KLHL17: variants seen among roughly 807,000 people sequenced by gnomAD.
KLHL17 encodes the protein kelch-like protein 17.
KLHL17 carries 71 observed loss-of-function variants against 64.6 expected under a neutral mutation model. That is an observed-to-expected ratio of 1.10 (90% CI 0.91 to 1.34). KLHL17 has a LOEUF of 1.34. KLHL17 is among the 40% of genes most tolerant of loss of function. The probability of loss-of-function intolerance (pLI) is 0.00; values close to 1 mark genes in which losing one functional copy is unlikely to be tolerated. For synonymous variants in KLHL17, 612 were observed against 405.4 expected (o/e 1.51, Z -6.12); for missense variants, 1,140 against 935.0 (o/e 1.22, Z -2.86).
At chr1:964,556 G>GTCCGAA in intron 11 of KLHL17, 26 bp downstream of exon 11, 1 of 1,456,964 alleles carries the variant, frequency 6.9e-7, no homozygotes, top group East Asian at 2.5e-5. Context: ...GCGGGGAGGG[G>GTCCGAA]GGCGCGGGTC....
chr1:961,239 A>C, intron 1 of KLHL17, 54 bp from the exon 2 acceptor site: 2 of 1,280,810 alleles, frequency 1.6e-6, no homozygotes, highest in Non-Finnish European at 2.0e-6. Context: ...CAGCGGCTCC[A>C]GGGCGGGCGG....
Position 965,384 on chromosome 1 carries a change from T to G in KLHL17, c.*193T>G. 1 of 605,664 alleles carries G rather than the reference T, an allele frequency of 1.7e-6. No individual in the cohort carries two copies. The highest frequency in any genetic ancestry group is 2.9e-6 in the Non-Finnish European group (1 of 348,108). 37.5% of individuals were successfully genotyped at this position (605,664 alleles called of 1,614,324 possible). ...GTGCCACGGCTGCCCGTTTACACCT[T>G]TAGCGTCTGGTCCTCCTGCGTGTCC... On this transcript the variant is annotated 3_prime_UTR_variant, in exon 12 of 12. Coordinates refer to ENST00000338591, the MANE Select transcript of KLHL17 (RefSeq NM_198317.3).
At chr1:962,511 G>C in intron 5 of KLHL17, 40 bp downstream of exon 5, 1 of 1,604,694 alleles carries the variant, frequency 6.2e-7, no homozygotes, top group Non-Finnish European at 8.5e-7. Context: ...GCATCCAGGA[G>C]GGCATGCAGG....
In KLHL17 at chr1:961,650, A is replaced by C; in HGVS notation, c.389A>C (p.Gln130Pro). 1 of 1,612,808 alleles carries C rather than the reference A, an allele frequency of 6.2e-7. No homozygotes were observed. The highest frequency in any genetic ancestry group is 1.1e-5 in the South Asian group (1 of 91,082). Reference protein sequence around the residue: ...MFTNEMSESRQTHVTLHDIDP... With the variant: ...MFTNEMSESRPTHVTLHDIDP... ...GCAGATGAGATGAGCGAGAGCCGCC[A>C]GACCCACGTGACGCTGCACGACATC... Residue 130 changes from glutamine (Q) to proline (P), a missense_variant, in exon 3 of 12, where the codon CAG becomes CCG. Transcript: ENST00000338591.
chr1:964,148 C>T lies in KLHL17; in HGVS notation c.1486C>T (p.His496Tyr), dbSNP rs753559276. 3 of 1,612,728 alleles carry T rather than the reference C, an allele frequency of 1.9e-6. No homozygotes were observed. Among genetic ancestry groups the T allele is most frequent in the Non-Finnish European group, 2.5e-6 (3 of 1,179,928 alleles). Residue 496 changes from histidine (H) to tyrosine (Y), a missense_variant, in exon 10 of 12, where the codon CAC becomes TAC. By Grantham distance (83) the His-to-Tyr change is moderately conservative. Transcript: ENST00000338591. ...YAVGGYDSSS[H>Y]LATVEKYEPQ... ...TGTGGGCGGCTACGACAGCTCCTCA[C>T]ACCTGGCCACTGTGGAGAAGTATGA...
chr1:965,056 C>T lies in KLHL17; in HGVS notation c.1794C>T (p.Asn598=), dbSNP rs147009675. The change falls in exon 12 of 12, where the codon AAC becomes AAT. Residue 598 remains asparagine (N), a synonymous_variant. Coordinates refer to ENST00000338591, the MANE Select transcript of KLHL17 (RefSeq NM_198317.3). ...SSSLNSIEKY[N]PRTNKWVAAS... is the part of the protein sequence containing the mutation. Reference sequence around the variant, plus strand: ...GCCTCAACTCCATCGAGAAGTACAACCCGAGGACCAACAAGTGGGTGGCCG... The same window carrying T: ...GCCTCAACTCCATCGAGAAGTACAATCCGAGGACCAACAAGTGGGTGGCCG... 41 of 1,612,564 alleles carry T rather than the reference C, an allele frequency of 2.5e-5. No individual in the cohort carries two copies. In the African/African-American group the frequency reaches 4.9e-4, roughly 19 times the overall value.
chr1:964,189 T>G lies in KLHL17; in HGVS notation c.1518+9T>G, dbSNP rs373601051. On this transcript the variant is annotated intron_variant, in intron 10 of 11. Coordinates refer to ENST00000338591, the MANE Select transcript of KLHL17 (RefSeq NM_198317.3). ...AGAAGTATGAGCCCCAGGTGCATAGTGCACCCCTCCTGGCCACCCCCTCCC... is the reference window on the plus strand; with the variant it reads ...AGAAGTATGAGCCCCAGGTGCATAGGGCACCCCTCCTGGCCACCCCCTCCC... 22 of 1,612,424 alleles carry G rather than the reference T, an allele frequency of 1.4e-5. No homozygotes were observed. In the African/African-American group the frequency reaches 2.8e-4, roughly 21 times the overall value.
At chr1:963,668 C>T in intron 8 of KLHL17, 164 bp downstream of exon 8, 3 of 913,842 alleles carry the variant, frequency 3.3e-6, no homozygotes, top group East Asian at 2.7e-5. Context: ...CTTGGCTTTG[C>T]TGCCCCAGTG....
chr1:962,725 C>G lies in KLHL17; in HGVS notation c.850C>G (p.Pro284Ala). 1.2e-6 allele frequency: 2 copies of G among 1,606,476 alleles called. No individual in the cohort carries two copies. ...VPRLMKCVRLPLLSRDFLLGH... is the reference protein window; with the variant it reads ...VPRLMKCVRLALLSRDFLLGH... The stretch of plus-strand genomic sequence containing the variant: ...CCAGCTCATGAAGTGTGTGCGGCTG[C>G]CCTTGCTGAGCCGCGACTTCCTGCT... The change falls in exon 6 of 12, where the codon CCC becomes GCC. Residue 284 changes from proline (P) to alanine (A), a missense_variant. Physicochemically the swap from Pro to Ala is conservative, Grantham distance 27. Coordinates refer to ENST00000338591, the MANE Select transcript of KLHL17 (RefSeq NM_198317.3).
chr1:961,954 C>T lies in KLHL17; in HGVS notation c.618C>T (p.Cys206=), dbSNP rs1457704067. ...GGGGCTTTGCCGATGCGCACTCCTGCAGCGACCTGCTCAAGGCCGCCCACA... is the reference window on the plus strand; with the variant it reads ...GGGGCTTTGCCGATGCGCACTCCTGTAGCGACCTGCTCAAGGCCGCCCACA... ...GIRGFADAHS[C]SDLLKAAHRY... is the part of the protein sequence containing the mutation. Residue 206 remains cysteine, a synonymous_variant, in exon 4 of 12, where the codon TGC becomes TGT. Coordinates refer to ENST00000338591, the MANE Select transcript of KLHL17 (RefSeq NM_198317.3). The T allele has an allele frequency of 3.1e-6, 5 of 1,612,824 alleles. No homozygotes were observed. The highest frequency in any genetic ancestry group is 3.4e-6 in the Non-Finnish European group (4 of 1,180,014).
chr1:962,499 C>T (rs79008338), intron 5 of KLHL17, 28 bp downstream of exon 5: 21,036 of 1,609,916 alleles, frequency 0.013, 1,023 homozygotes, highest in Admixed American at 0.11. Flanking sequence ...GGGGCTCCCA[C>T]AGCATCCAGG....
chr1:960,614 C>G lies in KLHL17; in HGVS notation c.-80C>G. 3 of 1,190,926 alleles carry G rather than the reference C, an allele frequency of 2.5e-6. No individual in the cohort carries two copies. Among genetic ancestry groups the G allele is most frequent in the Non-Finnish European group, 3.2e-6 (3 of 948,426 alleles). The allele number at this position is 1,190,926 out of a possible 1,614,324, so 73.8% of individuals were successfully genotyped here. On this transcript the variant is annotated 5_prime_UTR_variant, in exon 1 of 12. Transcript: ENST00000338591. The stretch of plus-strand genomic sequence containing the variant: ...TGAGCGACACAGAGCGGGCCGCCAC[C>G]GCCGAGCAGCCCTCCGGCAGTCTCC...
rs142869836 is a variant in KLHL17 at position 963,475 on chromosome 1, C to T, written c.1326C>T (p.Gly442=). The change falls in exon 8 of 12, where the codon GGC becomes GGT. Residue 442 remains glycine, a synonymous_variant. Coordinates refer to ENST00000338591, the MANE Select transcript of KLHL17 (RefSeq NM_198317.3). ...TGCATGGACTCCTGTACTCGGCCGG[C>T]GGCTATGACGGGGCCTCCTGCCTGA... The part of the protein sequence containing the change: ...AALHGLLYSA[G]GYDGASCLNS... The T allele has an allele frequency of 8.8e-5, 141 of 1,610,006 alleles. No individual in the cohort carries two copies. The African/African-American group carries it at 1.4e-3, about 16-fold the overall frequency.
At chr1:964,063 C>A in intron 9 of KLHL17, 44 bp from the exon 10 acceptor site, 1 of 1,612,208 alleles carries the variant, frequency 6.2e-7, no homozygotes, top group Non-Finnish European at 8.5e-7. Flanking sequence ...CCGTGGAGAC[C>A]CCACTCCCAG....
Position 964,978 on chromosome 1 carries a change from G to A in KLHL17, c.1716G>A (p.Leu572=), listed in dbSNP as rs756979776. Reference sequence around the variant, plus strand: ...TTCCCCCCAGGAGCACGCATGACCTGGTGGCCATGGACGGATGGTTGTACG... The same window carrying A: ...TTCCCCCCAGGAGCACGCATGACCTAGTGGCCATGGACGGATGGTTGTACG... ...PMNIRRSTHD[L]VAMDGWLYAV... Residue 572 remains leucine, a synonymous_variant, in exon 12 of 12, where the codon CTG becomes CTA. Coordinates refer to ENST00000338591, the MANE Select transcript of KLHL17 (RefSeq NM_198317.3). 11 of 1,608,838 alleles carry A rather than the reference G, an allele frequency of 6.8e-6. No homozygotes were observed. Among genetic ancestry groups the A allele is most frequent in the Non-Finnish European group, 8.5e-6 (10 of 1,177,106 alleles).
chr1:965,222 C>T lies in KLHL17; in HGVS notation c.*31C>T. 4 of 1,595,548 alleles carry T rather than the reference C, an allele frequency of 2.5e-6. No individual in the cohort carries two copies. Among genetic ancestry groups the T allele is most frequent in the Non-Finnish European group, 3.4e-6 (4 of 1,166,542 alleles). On this transcript the variant is annotated 3_prime_UTR_variant, in exon 12 of 12. Transcript: ENST00000338591. ...CTACCACCAGAGGCCTGCAGCCTCC[C>T]ACATGCCTTAAGGGGACCGTGGCCC...
At chr1:961,777 G>T (rs768154140) in intron 3 of KLHL17, 27 bp downstream of exon 3, 2 of 1,611,726 alleles carry the variant, frequency 1.2e-6, no homozygotes, top group Non-Finnish European at 8.5e-7. Context: ...CCGGATCCCG[G>T]TGTCCCCCGA....
At chr1:961,120 C>T (rs1642620573) in intron 1 of KLHL17, among the ~76,000 whole-genome samples, 173 bp from the exon 2 acceptor site, 1 of 151,352 alleles carries the variant, frequency 6.6e-6, no homozygotes, top group Non-Finnish European at 1.5e-5. Flanking sequence ...GCAGCGGAGG[C>T]CTGGACACGG....
chr1:962,245 G>C, intron 4 of KLHL17, 110 bp from the exon 5 acceptor site: 1 of 1,557,192 alleles, frequency 6.4e-7, no homozygotes, highest in African/African-American at 1.4e-5. Context: ...GCCCCTCCCA[G>C]TATGAACACT....
Sources: gnomAD v4.1 joint callset for allele counts (sites outside exome capture counted in the v4.1 genomes callset) on GRCh38, gnomAD v4.1.1 for gene constraint, MANE v1.5 for transcripts, NCBI Gene and HGNC (gene_info 2026-07-23, HGNC 2026-07-21) for gene names.